TRIO: variants seen among roughly 807,000 people sequenced by gnomAD.
TRIO encodes the protein trio Rho guanine nucleotide exchange factor, also known as triple functional domain protein.
A neutral mutation model predicts 351.9 loss-of-function variants in TRIO; 58 were observed. The observed-to-expected ratio is 0.16, with a 90% CI of 0.13 to 0.21. The LOEUF is 0.21. Among genes scored for constraint, TRIO ranks in the 10% least tolerant of loss-of-function variants. The pLI is 1.00. For missense variants in TRIO, 3,201 were observed against 4,027.8 expected, an observed-to-expected ratio of 0.79 and a Z score of 5.56; for synonymous variants, 1,758 against 1,595.7, an observed-to-expected ratio of 1.10 and a Z score of -2.42.
At chr5:14,295,221 A>T (rs1737246633) in intron 6 of TRIO, among the ~76,000 whole-genome samples, 1 of 152,232 alleles carries the variant, frequency 6.6e-6, no homozygotes, top group African/African-American at 2.4e-5. Context: ...TGCCAAGTTA[A>T]CAGCTTTTAA....
intron 11 of TRIO, among the ~76,000 whole-genome samples, chr5:14,356,538 A>G (rs958759733): frequency 6.6e-6 from 1 of 152,232 alleles, no homozygotes; most frequent in Non-Finnish European, 1.5e-5. Context: ...GAAGGTAAAA[A>G]TGATACACCA....
At chr5:14,377,272 G>T (rs1196941885) in intron 19 of TRIO, among the ~76,000 whole-genome samples, 1 of 150,392 alleles carries the variant, frequency 6.6e-6, no homozygotes, top group African/African-American at 2.4e-5. Context: ...TTTAGACGGA[G>T]TCTTGCCCTG....
chr5:14,245,429 C>G (rs1794377638), intron 1 of TRIO, among the ~76,000 whole-genome samples: 1 of 152,192 alleles, frequency 6.6e-6, no homozygotes, highest in Admixed American at 6.5e-5. Flanking sequence ...GCTTGCAGTT[C>G]TCTTCATTCC....
chr5:14,165,362 G>GTATT (rs1788704466), intron 1 of TRIO, among the ~76,000 whole-genome samples: 1 of 152,162 alleles, frequency 6.6e-6, no homozygotes, highest in Non-Finnish European at 1.5e-5. Context: ...AGAACATGCA[G>GTATT]TATTTGGTTT....
chr5:14,498,119 A>C lies in TRIO; in HGVS notation c.8078A>C (p.Glu2693Ala). The change falls in exon 52 of 57, where the codon GAG becomes GCG. Residue 2693 changes from glutamate to alanine, a missense_variant. This residue lies in a region of TRIO where 1,089 missense variants were observed against 954.9 expected (regional missense o/e 1.14). Transcript: ENST00000344204. ...CCAGAATTCGTCATTCCATTGAGTG[A>C]GGTCACGTGTGAGACAGGGGAGACC... ...VPPEFVIPLSEVTCETGETVV... is the reference protein window; with the variant it reads ...VPPEFVIPLSAVTCETGETVV... The C allele has an allele frequency of 1.9e-6, 3 of 1,614,152 alleles. No individual in the cohort carries two copies. Among genetic ancestry groups the C allele is most frequent in the Non-Finnish European group, 2.5e-6 (3 of 1,180,034 alleles).
At chr5:14,244,877 G>A (rs992090805) in intron 1 of TRIO, among the ~76,000 whole-genome samples, 1 of 152,152 alleles carries the variant, frequency 6.6e-6, no homozygotes, top group Non-Finnish European at 1.5e-5. Flanking sequence ...GAGGTTTGGG[G>A]TCTGTGAGAG....
chr5:14,230,308 A>T (rs532716320), intron 1 of TRIO, among the ~76,000 whole-genome samples: 1 of 151,334 alleles, frequency 6.6e-6, no homozygotes, highest in Admixed American at 6.6e-5. Context: ...TTACTGGAGA[A>T]TGTCTGGAAA....
intron 1 of TRIO, among the ~76,000 whole-genome samples, chr5:14,249,340 C>G (rs1417307309): frequency 6.6e-6 from 1 of 152,154 alleles, no homozygotes; most frequent in African/African-American, 2.4e-5. Context: ...TAGGCTTGCC[C>G]ATTTGTTACT....
At chr5:14,501,902 C>G (rs1757320492) in intron 53 of TRIO, among the ~76,000 whole-genome samples, 1 of 152,214 alleles carries the variant, frequency 6.6e-6, no homozygotes, top group African/African-American at 2.4e-5. Flanking sequence ...GCAGCAGGAC[C>G]ACGTGGGGCT....
chr5:14,182,497 CAT>C (rs1329653449), intron 1 of TRIO, among the ~76,000 whole-genome samples: 5 of 152,330 alleles, frequency 3.3e-5, no homozygotes, highest in Non-Finnish European at 5.9e-5. Context: ...TGTCCATAGA[CAT>C]AGCTAAAAAT....
chr5:14,414,457 C>A (rs972507772), intron 33 of TRIO, among the ~76,000 whole-genome samples: 2 of 152,212 alleles, frequency 1.3e-5, no homozygotes, highest in African/African-American at 4.8e-5. Context: ...CTTCCGAGAT[C>A]AATCTTCACA....
chr5:14,450,852 C>T (rs1752800805), intron 34 of TRIO, among the ~76,000 whole-genome samples: 1 of 152,146 alleles, frequency 6.6e-6, no homozygotes, highest in Non-Finnish European at 1.5e-5. Context: ...GACGCAGTGT[C>T]CATTCTAAAT....
chr5:14,306,786 G>C (rs541523078), intron 8 of TRIO, among the ~76,000 whole-genome samples: 22 of 152,074 alleles, frequency 1.4e-4, no homozygotes, highest in Non-Finnish European at 1.0e-4. Flanking sequence ...TGTTGCTCTC[G>C]GCAGTTTTCA....
intron 1 of TRIO, among the ~76,000 whole-genome samples, chr5:14,148,334 A>G (rs1301835591): frequency 1.3e-5 from 2 of 152,190 alleles, no homozygotes; most frequent in Non-Finnish European, 2.9e-5. Context: ...ACTGCAGGTG[A>G]AAGATGTGTT....
rs910064900 is a variant in TRIO at position 14,259,473 on chromosome 5, T to C, written c.158-11352T>C. On this transcript the variant is annotated intron_variant, in intron 1 of 56. Coordinates refer to ENST00000344204, the MANE Select transcript of TRIO (RefSeq NM_007118.4). ...ACTTTTCTCAACCCTCTTTGTAATT[T>C]CTTAAATTTCTCATTAGCAATTCAG... Among the ~76,000 whole-genome samples, 195 of 152,226 alleles carry C rather than the reference T, an allele frequency of 1.3e-3. 1 individual carries two copies. Among genetic ancestry groups the C allele is most frequent in the Non-Finnish European group, 1.3e-3 (88 of 68,030 alleles).
chr5:14,211,589 TG>T (rs1350802847), intron 1 of TRIO, among the ~76,000 whole-genome samples: 5 of 103,878 alleles, frequency 4.8e-5, no homozygotes, highest in South Asian at 3.5e-4. Flanking sequence ...CACACTCAGT[TG>T]TTTTTTTTTT....
At chr5:14,186,206 G>C (rs901743219) in intron 1 of TRIO, among the ~76,000 whole-genome samples, 2 of 152,156 alleles carry the variant, frequency 1.3e-5, no homozygotes, top group Non-Finnish European at 2.9e-5. Flanking sequence ...TTTCTCCCTT[G>C]TTTTTCTAGC....
At chr5:14,314,099 G>A (rs1467777907) in intron 8 of TRIO, among the ~76,000 whole-genome samples, 3 of 152,182 alleles carry the variant, frequency 2.0e-5, no homozygotes, top group Admixed American at 1.3e-4. Flanking sequence ...TCTTTTTAGG[G>A]TTAACACCAT....
intron 11 of TRIO, among the ~76,000 whole-genome samples, chr5:14,340,615 C>CATG (rs1230903589): frequency 1.3e-5 from 2 of 152,110 alleles, no homozygotes; most frequent in African/African-American, 4.8e-5. Context: ...GTAATACAAA[C>CATG]ATGAGGTCAT....
Sources: allele counts gnomAD v4.1 joint callset (sites outside exome capture counted in the v4.1 genomes callset), GRCh38; gene constraint gnomAD v4.1.1; regional missense constraint gnomAD v4.1.1; transcripts MANE v1.5; gene names NCBI Gene and HGNC (gene_info 2026-07-23, HGNC 2026-07-21).